Variants in KRAS observed in about 807,000 individuals in gnomAD.
KRAS encodes GTPase KRas.
In KRAS, 1 loss-of-function variant was observed where a neutral mutation model predicts 21.0. That is an observed-to-expected ratio of 0.05 (90% confidence interval 0.02 to 0.23). The LOEUF is 0.23. Among genes scored for constraint, KRAS ranks in the 10% least tolerant of loss-of-function variants. The pLI is 1.00. For missense variants in KRAS, 107 were observed against 221.8 expected, an observed-to-expected ratio of 0.48 and a Z score of 3.29; for synonymous variants, 67 against 72.5, an observed-to-expected ratio of 0.92 and a Z score of 0.39.
chr12:25,239,254 T>A (rs751331616), intron 2 of KRAS, among the ~76,000 whole-genome samples: 1 of 152,204 alleles, frequency 6.6e-6, no homozygotes, highest in African/African-American at 2.4e-5. Context: ...CTAATTCATA[T>A]ATAAGATAGC....
intron 4 of KRAS, 96 bp downstream of exon 4, chr12:25,225,518 A>G (rs1951381458): frequency 4.2e-6 from 5 of 1,198,866 alleles, no homozygotes; most frequent in Non-Finnish European, 6.1e-6. Flanking sequence ...TTTATTTCCT[A>G]GTATAGCATA....
At chr12:25,237,298 C>A (rs967838964) in intron 2 of KRAS, among the ~76,000 whole-genome samples, 2 of 152,122 alleles carry the variant, frequency 1.3e-5, no homozygotes, top group African/African-American at 4.8e-5. Flanking sequence ...TAATAACATT[C>A]TGGAATTAGT....
intron 2 of KRAS, among the ~76,000 whole-genome samples, chr12:25,228,209 T>A (rs558152360): frequency 8.2e-6 from 1 of 122,160 alleles, no homozygotes; most frequent in African/African-American, 3.2e-5. Flanking sequence ...TTTGGAGAGA[T>A]AGGGTCTTGT....
chr12:25,248,613 A>C (rs1413157591), intron 1 of KRAS, among the ~76,000 whole-genome samples: 1 of 151,868 alleles, frequency 6.6e-6, no homozygotes, highest in African/African-American at 2.4e-5. Flanking sequence ...TCCAGAAAAA[A>C]AAAAAATTCC....
intron 4 of KRAS, among the ~76,000 whole-genome samples, chr12:25,218,165 A>G (rs1027867290): frequency 2.6e-5 from 4 of 152,194 alleles, no homozygotes; most frequent in African/African-American, 9.6e-5. Context: ...ACGCACACAC[A>G]CAAACCAGGT....
chr12:25,228,432 C>T (rs1026260323), intron 2 of KRAS, among the ~76,000 whole-genome samples: 2 of 151,788 alleles, frequency 1.3e-5, no homozygotes, highest in African/African-American at 2.4e-5. Context: ...TTTTGGATAA[C>T]GGATGCTTCA....
intron 4 of KRAS, among the ~76,000 whole-genome samples, chr12:25,221,263 C>T (rs61762422): frequency 0.61 from 90,584 of 148,746 alleles, 29,601 homozygotes; most frequent in East Asian, 0.9. Context: ...GACAGAGTCT[C>T]GCTCGGTCGT....
At chr12:25,233,785 T>C (rs1565887549) in intron 2 of KRAS, 3 of 206,896 alleles carry the variant, frequency 1.5e-5, no homozygotes. Context: ...CTATAGGTAA[T>C]TAGTACTGCC....
At chr12:25,221,817 G>A (rs374911671) in intron 4 of KRAS, among the ~76,000 whole-genome samples, 2 of 152,070 alleles carry the variant, frequency 1.3e-5, no homozygotes, top group Non-Finnish European at 1.5e-5. Flanking sequence ...ACAACTTGCC[G>A]ATAAAATACA....
At chr12:25,218,912 GT>G (rs972152272) in intron 4 of KRAS, among the ~76,000 whole-genome samples, 1 of 109,362 alleles carries the variant, frequency 9.1e-6, no homozygotes, top group Non-Finnish European at 2.1e-5. Flanking sequence ...TTTTGTGGGG[GT>G]TTTTTGTTTT....
At chr12:25,215,383 C>G in intron 4 of KRAS, 2 of 1,609,040 alleles carry the variant, frequency 1.2e-6, no homozygotes, top group South Asian at 1.1e-5. Flanking sequence ...CACCTTGTTA[C>G]CTTTAAAAGA....
chr12:25,217,701 A>T (rs915200197), intron 4 of KRAS, among the ~76,000 whole-genome samples: 4 of 152,152 alleles, frequency 2.6e-5, no homozygotes, highest in Admixed American at 1.3e-4. Context: ...TGAGAGGGCA[A>T]GAGATGCCAG....
At chr12:25,232,290 T>C (rs1405771692) in intron 2 of KRAS, among the ~76,000 whole-genome samples, 1 of 152,182 alleles carries the variant, frequency 6.6e-6, no homozygotes, top group Non-Finnish European at 1.5e-5. Flanking sequence ...TAGGAATAGT[T>C]AAATAGCTGT....
At chr12:25,237,804 A>G (rs1335837455) in intron 2 of KRAS, among the ~76,000 whole-genome samples, 1 of 152,238 alleles carries the variant, frequency 6.6e-6, no homozygotes, top group Non-Finnish European at 1.5e-5. Context: ...ATTATTTTAT[A>G]TACTACACGC....
At chr12:25,227,822 A>G (rs944348073) in intron 2 of KRAS, among the ~76,000 whole-genome samples, 1 of 152,236 alleles carries the variant, frequency 6.6e-6, no homozygotes, top group African/African-American at 2.4e-5. Flanking sequence ...CAGAATTACC[A>G]TATGATCAGC....
intron 2 of KRAS, among the ~76,000 whole-genome samples, chr12:25,243,627 A>G (rs1043387558): frequency 2.0e-5 from 3 of 152,158 alleles, no homozygotes; most frequent in African/African-American, 7.2e-5. Context: ...AGTGTAATGG[A>G]ATTTCTCAGA....
intron 3 of KRAS, 33 bp downstream of exon 3, chr12:25,227,201 A>T (rs759232354): frequency 6.6e-7 from 1 of 1,506,940 alleles, no homozygotes. Flanking sequence ...ATTACTCCTT[A>T]ATGTCAGCTT....
chr12:25,228,884 C>A (rs982726082), intron 2 of KRAS, among the ~76,000 whole-genome samples: 2 of 152,130 alleles, frequency 1.3e-5, no homozygotes, highest in East Asian at 1.9e-4. Context: ...CATGGTGAAA[C>A]CCCATCTCTA....
chr12:25,248,477 C>T (rs1445791798), intron 1 of KRAS, among the ~76,000 whole-genome samples: 3 of 151,678 alleles, frequency 2.0e-5, no homozygotes, highest in Non-Finnish European at 4.4e-5. Context: ...GTAGAGGGGT[C>T]GTTAAGGCCA....
Sources: gnomAD v4.1 joint callset for allele counts (sites outside exome capture counted in the v4.1 genomes callset) on GRCh38, gnomAD v4.1.1 for gene constraint, MANE v1.5 for transcripts, NCBI Gene and HGNC (gene_info 2026-07-23, HGNC 2026-07-21) for gene names.